RARB: variants seen among roughly 807,000 people sequenced by gnomAD.
RARB encodes the protein retinoic acid receptor beta, also known as HBV-activated protein.
A neutral mutation model predicts 51.9 loss-of-function variants in RARB; 17 were observed. The observed-to-expected ratio is 0.33, with a 90% confidence interval of 0.22 to 0.49. The LOEUF is 0.49. Among genes scored for constraint, RARB ranks in the 20% least tolerant of loss-of-function variants. The pLI is 0.99. For missense variants in RARB, 369 were observed against 550.8 expected, an observed-to-expected ratio of 0.67 and a Z score of 3.30; for synonymous variants, 215 against 195.4, an observed-to-expected ratio of 1.10 and a Z score of -0.84.
chr3:25,285,842 T>C (rs1172835671), intron 5 of RARB, among the ~76,000 whole-genome samples: 1 of 151,974 alleles, frequency 6.6e-6, no homozygotes, highest in African/African-American at 2.4e-5. Context: ...TTGAGCATGC[T>C]ACTTGGCTTT....
At chr3:25,270,323 A>G (rs961995004) in intron 5 of RARB, among the ~76,000 whole-genome samples, 1 of 152,204 alleles carries the variant, frequency 6.6e-6, no homozygotes, top group Non-Finnish European at 1.5e-5. Context: ...AAATTCAGCG[A>G]CATACTACAA....
chr3:25,008,838 A>T (rs1410664468), intron 2 of RARB, among the ~76,000 whole-genome samples: 1 of 152,122 alleles, frequency 6.6e-6, no homozygotes, highest in Non-Finnish European at 1.5e-5. Context: ...CCAATGGCAA[A>T]TATTTTGGTC....
upstream of RARB, among the ~76,000 whole-genome samples, chr3:25,427,701 GAA>G (rs1353440174): frequency 1.3e-5 from 2 of 152,208 alleles, no homozygotes; most frequent in Non-Finnish European, 2.9e-5. Context: ...GGGAGAAAGA[GAA>G]AAAGACTGTG....
chr3:25,310,346 G>A (rs1704258623), intron 5 of RARB, among the ~76,000 whole-genome samples: 1 of 152,202 alleles, frequency 6.6e-6, no homozygotes, highest in Admixed American at 6.5e-5. Context: ...TAGTCTGTAT[G>A]ACTGACAGTC....
At chr3:25,192,434 A>G (rs1187109828) in intron 5 of RARB, among the ~76,000 whole-genome samples, 2 of 152,126 alleles carry the variant, frequency 1.3e-5, no homozygotes, top group African/African-American at 4.8e-5. Context: ...CTATTCAATA[A>G]AATACTACAG....
intron 5 of RARB, among the ~76,000 whole-genome samples, chr3:25,306,570 G>A (rs1704156976): frequency 6.6e-6 from 1 of 151,836 alleles, no homozygotes; most frequent in South Asian, 2.1e-4. Flanking sequence ...GTTACGTGAG[G>A]AAAATTGCAT....
intron 2 of RARB, among the ~76,000 whole-genome samples, chr3:24,958,373 A>G (rs545385287): frequency 2.9e-4 from 44 of 149,540 alleles, no homozygotes; most frequent in African/African-American, 1.1e-3. Flanking sequence ...AATAAAGGCA[A>G]GGAGAAAACT....
At chr3:25,004,289 A>G (rs1430023980) in intron 2 of RARB, among the ~76,000 whole-genome samples, 1 of 152,196 alleles carries the variant, frequency 6.6e-6, no homozygotes, top group East Asian at 1.9e-4. Flanking sequence ...GAGAAAAATC[A>G]AATAGGATTT....
At chr3:25,318,939 A>G (rs1230297746) in intron 5 of RARB, among the ~76,000 whole-genome samples, 1 of 152,162 alleles carries the variant, frequency 6.6e-6, no homozygotes, top group Non-Finnish European at 1.5e-5. Flanking sequence ...CCCAGCATAG[A>G]TAGTAACTCA....
intron 5 of RARB, among the ~76,000 whole-genome samples, chr3:25,316,235 T>C (rs1052743138): frequency 2.0e-5 from 3 of 152,202 alleles, no homozygotes; most frequent in Admixed American, 2.0e-4. Context: ...TTATTCCATC[T>C]ATCTAGAGGT....
At chr3:25,212,222 C>A (rs1411801808) in intron 5 of RARB, among the ~76,000 whole-genome samples, 1 of 152,028 alleles carries the variant, frequency 6.6e-6, no homozygotes, top group Non-Finnish European at 1.5e-5. Context: ...GAAAATGTAC[C>A]TAAGTAAATA....
rs984251390 is a variant in RARB, at chr3:25,235,396, T to G, written c.178+60821T>G. Reference sequence around the variant, plus strand: ...AAGTTGGGATTAGAATAATAGTAGATTCAGAATTTGGGGGATATTTGAAGT... The same window carrying G: ...AAGTTGGGATTAGAATAATAGTAGAGTCAGAATTTGGGGGATATTTGAAGT... On this transcript the variant is annotated intron_variant, in intron 5 of 11. Transcript: ENST00000383772. 6.6e-5 allele frequency among the ~76,000 whole-genome samples: 10 copies of G among 152,196 alleles called. 1 individual carries two copies. Among genetic ancestry groups the G allele is most frequent in the Admixed American group, 2.6e-4 (4 of 15,288 alleles).
intron 5 of RARB, among the ~76,000 whole-genome samples, chr3:25,335,070 C>T (rs1424063148): frequency 1.3e-5 from 2 of 152,144 alleles, no homozygotes; most frequent in Non-Finnish European, 2.9e-5. Context: ...CCAGCCCCCA[C>T]CCATGCTGGC....
chr3:25,590,881 G>A (rs1476918052), intron 5 of RARB, among the ~76,000 whole-genome samples: 2 of 152,194 alleles, frequency 1.3e-5, no homozygotes, highest in African/African-American at 2.4e-5. Context: ...GGATTGGAAG[G>A]CCTGTATTCT....
chr3:25,337,801 G>GA (rs1705107872), intron 5 of RARB, among the ~76,000 whole-genome samples: 1 of 151,960 alleles, frequency 6.6e-6, no homozygotes, highest in Admixed American at 6.6e-5. Context: ...TACATTCCAG[G>GA]AGTATACGTT....
At chr3:24,924,263 TC>T (rs1165169940) in intron 2 of RARB, among the ~76,000 whole-genome samples, 5 of 152,196 alleles carry the variant, frequency 3.3e-5, no homozygotes, top group Non-Finnish European at 7.3e-5. Context: ...GATAAAATAG[TC>T]ATTCAAATGA....
At chr3:25,010,357 ACAAT>A (rs1351664954) in intron 2 of RARB, among the ~76,000 whole-genome samples, 3 of 152,276 alleles carry the variant, frequency 2.0e-5, no homozygotes, top group East Asian at 3.9e-4. Flanking sequence ...AATTGCTATG[ACAAT>A]CAATTTTATA....
chr3:25,140,342 G>T (rs1700090084), intron 4 of RARB, among the ~76,000 whole-genome samples: 1 of 152,158 alleles, frequency 6.6e-6, no homozygotes, highest in Non-Finnish European at 1.5e-5. Flanking sequence ...CATTTTGGCA[G>T]GAATTTGGAA....
At chr3:25,064,689 A>G (rs932323148) in intron 3 of RARB, among the ~76,000 whole-genome samples, 1 of 152,170 alleles carries the variant, frequency 6.6e-6, no homozygotes, top group Non-Finnish European at 1.5e-5. Flanking sequence ...TTATATTTTT[A>G]GGAAACTAAG....
Sources: allele counts gnomAD v4.1 joint callset (sites outside exome capture counted in the v4.1 genomes callset), GRCh38; gene constraint gnomAD v4.1.1; transcripts MANE v1.5; gene names NCBI Gene and HGNC (gene_info 2026-07-23, HGNC 2026-07-21).